Variants in PTPRF observed in about 807,000 individuals in gnomAD.
PTPRF encodes the protein protein tyrosine phosphatase receptor type F.
PTPRF carries 59 observed loss-of-function variants against 201.8 expected under a neutral mutation model. The ratio of observed to expected loss-of-function variants is 0.29; its 90% CI spans 0.24 to 0.36. The LOEUF (loss-of-function observed/expected upper bound fraction) is 0.36, where lower values mean the gene tolerates loss of function less well. Among genes scored for constraint, PTPRF ranks in the 10% least tolerant of loss-of-function variants. The probability of loss-of-function intolerance (pLI) is 1.00; values close to 1 mark genes in which losing one functional copy is unlikely to be tolerated. For synonymous variants in PTPRF, 1,088 were observed against 1,089.7 expected (o/e 1.00, Z 0.03); for missense variants, 2,132 against 2,690.5 (o/e 0.79, Z 4.59).
At chr1:43,568,699 C>G (rs1646358165) in intron 5 of PTPRF, among the ~76,000 whole-genome samples, 1 of 152,184 alleles carries the variant, frequency 6.6e-6, no homozygotes, top group African/African-American at 2.4e-5. Flanking sequence ...TAGCCTTGCC[C>G]TGCAGCCCCT....
chr1:43,533,142 C>G (rs531090940), intron 1 of PTPRF, among the ~76,000 whole-genome samples: 1 of 152,182 alleles, frequency 6.6e-6, no homozygotes, highest in East Asian at 1.9e-4. Context: ...TTCCCTCTTT[C>G]TTTCCTTTAA....
chr1:43,524,115 T>C (rs1557638799), upstream of PTPRF, among the ~76,000 whole-genome samples: 2 of 142,048 alleles, frequency 1.4e-5, no homozygotes, highest in Non-Finnish European at 3.1e-5. Flanking sequence ...AACTCAGGAA[T>C]GGAAAACCAA....
chr1:43,614,295 A>T (rs1340823498), intron 23 of PTPRF, among the ~76,000 whole-genome samples: 1 of 152,224 alleles, frequency 6.6e-6, no homozygotes, highest in Non-Finnish European at 1.5e-5. Flanking sequence ...TGCTCTGCAC[A>T]TGCATGTGCT....
intron 33 of PTPRF, 26 bp downstream of exon 33, chr1:43,621,258 A>C (rs1248530917): frequency 4.3e-6 from 7 of 1,611,002 alleles, no homozygotes; most frequent in Middle Eastern, 1.7e-4. Context: ...CTGCAGGGCC[A>C]GGGCCTTGGC....
At chr1:43,592,009 C>A (rs929598496) in intron 10 of PTPRF, 61 bp downstream of exon 10, 2 of 1,599,384 alleles carry the variant, frequency 1.3e-6, no homozygotes, top group Non-Finnish European at 8.5e-7. Flanking sequence ...CTGTGATGGG[C>A]TTAACCCAGG....
rs781060877 is a variant in PTPRF, at chr1:43,606,869, C to T, written c.3758C>T (p.Ala1253Val). The change falls in exon 21 of 34, where the codon GCC becomes GTC. Residue 1253 changes from alanine to valine, a missense_variant. Physicochemically the swap from Ala to Val is moderately conservative, Grantham distance 64. Around this residue, in one of 6 missense-constraint regions of PTPRF, gnomAD observed 818 missense variants for 915.3 expected, o/e 0.89. Transcript: ENST00000359947. ...SDEIVVQVTP[A>V]QQQEEPEMLW... ...GAGATCGTGGTCCAGGTGACACCAG[C>T]CCAGCAGCAGGAGGAGCCGGAGATG... The T allele has an allele frequency of 3.7e-6, 6 of 1,614,162 alleles. No homozygotes were observed. In the Admixed American group the frequency reaches 1.0e-4, roughly 27 times the overall value.
At chr1:43,601,316 C>T (rs1197131802) in intron 13 of PTPRF, among the ~76,000 whole-genome samples, 3 of 152,218 alleles carry the variant, frequency 2.0e-5, no homozygotes, top group Admixed American at 6.5e-5. Context: ...ACCAAAGGCC[C>T]GCAACACTGC....
rs545933106 is a variant in PTPRF at position 43,546,768 on chromosome 1, G to A, written c.91+1602G>A. Reference sequence around the variant, plus strand: ...CTGCTGTCTTCCCGTGTTCTCTCCCGTGAAAGGCATTACCACCCACCCGGT... The same window carrying A: ...CTGCTGTCTTCCCGTGTTCTCTCCCATGAAAGGCATTACCACCCACCCGGT... On this transcript the variant is annotated intron_variant, in intron 3 of 33. Coordinates refer to ENST00000359947, the MANE Select transcript of PTPRF (RefSeq NM_002840.5). The surrounding 1 kb of genome is among the most constrained non-coding windows in gnomAD (Gnocchi z 4.2). 4.5e-4 allele frequency among the ~76,000 whole-genome samples: 68 copies of A among 152,072 alleles called. No homozygotes were observed. Among genetic ancestry groups the A allele is most frequent in the Non-Finnish European group, 8.4e-4 (57 of 67,988 alleles).
chr1:43,621,330 C>T lies in PTPRF; in HGVS notation c.5655+98C>T, dbSNP rs532388866. 4,998 of 1,473,104 alleles carry T rather than the reference C, an allele frequency of 3.4e-3. 9 individuals are homozygous for T. Among genetic ancestry groups the T allele is most frequent in the Non-Finnish European group, 4.3e-3 (4,699 of 1,088,074 alleles). The allele number at this position is 1,473,104 out of a possible 1,614,324, so 91.3% of individuals were successfully genotyped here. A position where few individuals can be genotyped will look rare whatever the true frequency, so the allele number is the denominator to read the frequency against. On this transcript the variant is annotated intron_variant, in intron 33 of 33. Transcript: ENST00000359947. ...TTTGATGCCCACAGGCATGTGCATT[C>T]ATTCATGCTGCCAACCTTTCACGTG...
chr1:43,524,746 G>A (rs912363243), upstream of PTPRF, among the ~76,000 whole-genome samples: 3 of 152,116 alleles, frequency 2.0e-5, no homozygotes, highest in African/African-American at 7.2e-5. Context: ...GTGGGGAGGT[G>A]TGTGAATGTG....
chr1:43,609,143 C>G (rs949340511), intron 21 of PTPRF, among the ~76,000 whole-genome samples: 3 of 152,180 alleles, frequency 2.0e-5, no homozygotes, highest in Admixed American at 6.5e-5. Context: ...TTCCTCCCTG[C>G]TGCACTGCCC....
intron 23 of PTPRF, among the ~76,000 whole-genome samples, chr1:43,614,901 AAAAG>A (rs758473799): frequency 3.0e-4 from 45 of 152,156 alleles, no homozygotes; most frequent in Non-Finnish European, 6.3e-4. Flanking sequence ...TTTTACTTAA[AAAAG>A]AGAGAGAGAG....
At chr1:43,618,339 G>A (rs1658371898) in intron 25 of PTPRF, among the ~76,000 whole-genome samples, 1 of 152,178 alleles carries the variant, frequency 6.6e-6, no homozygotes, top group Non-Finnish European at 1.5e-5. Context: ...CTTGAAAATG[G>A]CACATAAACG....
chr1:43,583,093 G>C, intron 7 of PTPRF: 2 of 985,770 alleles, frequency 2.0e-6, no homozygotes, highest in Non-Finnish European at 2.4e-6. Context: ...TCAGCGAGAA[G>C]GTTGGTCCTT....
At position 43,553,682 on chromosome 1, in the gene PTPRF, C is replaced by T; in HGVS notation, c.237+45C>T. ...GGGTCGGCAGGGCTCAGGGTCTGCC[C>T]ACACTCTCTCCTTTCAGTGTCCCTC... On this transcript the variant is annotated intron_variant, in intron 4 of 33. Coordinates refer to ENST00000359947, the MANE Select transcript of PTPRF (RefSeq NM_002840.5). The surrounding 1 kb of genome is among the most constrained non-coding windows in gnomAD (Gnocchi z 4.1). 3 of 1,611,268 alleles carry T rather than the reference C, an allele frequency of 1.9e-6. No homozygotes were observed. Among genetic ancestry groups the T allele is most frequent in the Non-Finnish European group, 2.5e-6 (3 of 1,178,404 alleles).
At chr1:43,568,479 G>A (rs775604176) in intron 5 of PTPRF, among the ~76,000 whole-genome samples, 10 of 152,074 alleles carry the variant, frequency 6.6e-5, no homozygotes, top group East Asian at 1.9e-4. Flanking sequence ...CAGATGCTCC[G>A]CAACACCTTG....
At chr1:43,579,244 G>T in intron 7 of PTPRF, 1 of 562,920 alleles carries the variant, frequency 1.8e-6, no homozygotes, top group Non-Finnish European at 3.5e-6. Flanking sequence ...TGGTGTATGT[G>T]CATGTGTGTG....
chr1:43,566,642 A>G (rs1358531848), intron 5 of PTPRF, among the ~76,000 whole-genome samples: 1 of 152,216 alleles, frequency 6.6e-6, no homozygotes, highest in Non-Finnish European at 1.5e-5. Flanking sequence ...GGGCTGCTGT[A>G]CTTGGCTGAG....
chr1:43,539,937 G>A (rs1644259184), intron 2 of PTPRF, among the ~76,000 whole-genome samples: 1 of 152,240 alleles, frequency 6.6e-6, no homozygotes, highest in Admixed American at 6.5e-5. Flanking sequence ...AAATACAGGA[G>A]TTAAGCCAGG....
Sources: gnomAD v4.1 joint callset for allele counts (sites outside exome capture counted in the v4.1 genomes callset) on GRCh38, gnomAD v4.1.1 for gene constraint, gnomAD v4.1.1 regional missense constraint, Gnocchi (gnomAD v3.1) non-coding constraint, MANE v1.5 for transcripts, NCBI Gene and HGNC (gene_info 2026-07-23, HGNC 2026-07-21) for gene names.